The following C8orf34 variants were observed in gnomAD, a reference collection of about 807,000 sequenced individuals.
C8orf34 encodes the protein chromosome 8 open reading frame 34.
C8orf34 carries 65 observed loss-of-function variants against 68.3 expected under a neutral mutation model. The ratio of observed to expected loss-of-function variants is 0.95; its 90% CI spans 0.78 to 1.17. The LOEUF is 1.17. C8orf34 is among the 50% of genes most tolerant of loss of function. The pLI is 0.00. For missense variants in C8orf34, 664 were observed against 655.4 expected, an observed-to-expected ratio of 1.01 and a Z score of -0.14; for synonymous variants, 244 against 241.2, an observed-to-expected ratio of 1.01 and a Z score of -0.11.
intron 2 of C8orf34, among the ~76,000 whole-genome samples, chr8:68,440,188 G>A (rs1810842342): frequency 6.6e-6 from 1 of 152,168 alleles, no homozygotes; most frequent in African/African-American, 2.4e-5. Context: ...GAATTGAGTA[G>A]ACTTGAACTC....
At chr8:68,727,065 C>T (rs1821851389) in intron 10 of C8orf34, among the ~76,000 whole-genome samples, 1 of 152,138 alleles carries the variant, frequency 6.6e-6, no homozygotes. Context: ...TCCAAAGTCT[C>T]ATCTGAGACA....
chr8:68,457,890 C>G (rs1281071616), intron 3 of C8orf34, among the ~76,000 whole-genome samples: 1 of 151,636 alleles, frequency 6.6e-6, no homozygotes, highest in Non-Finnish European at 1.5e-5. Flanking sequence ...AAATGTTAAC[C>G]CTTTACTTTT....
chr8:68,428,653 T>C (rs2129624529), intron 1 of C8orf34, among the ~76,000 whole-genome samples: 1 of 151,504 alleles, frequency 6.6e-6, no homozygotes, highest in African/African-American at 2.4e-5. Flanking sequence ...AATAAGAAAA[T>C]GATAGAAACA....
At chr8:68,338,819 T>C (rs550812095) in intron 1 of C8orf34, among the ~76,000 whole-genome samples, 1 of 152,298 alleles carries the variant, frequency 6.6e-6, no homozygotes, top group African/African-American at 2.4e-5. Context: ...TCTACATTTC[T>C]GTGAACAGTG....
intron 9 of C8orf34, among the ~76,000 whole-genome samples, chr8:68,715,035 C>G (rs1821430731): frequency 6.6e-6 from 1 of 152,076 alleles, no homozygotes; most frequent in African/African-American, 2.4e-5. Flanking sequence ...AAGGGACACC[C>G]TATTCAATAA....
chr8:68,800,037 CAG>C (rs1230492927), intron 12 of C8orf34, among the ~76,000 whole-genome samples: 1 of 152,098 alleles, frequency 6.6e-6, no homozygotes. Flanking sequence ...ACATTAGACA[CAG>C]GGGGTGAGAA....
At chr8:68,448,418 C>A (rs1811209711) in intron 3 of C8orf34, among the ~76,000 whole-genome samples, 1 of 151,980 alleles carries the variant, frequency 6.6e-6, no homozygotes, top group Admixed American at 6.6e-5. Flanking sequence ...TAGGGTTATT[C>A]TTTGGAAATA....
At chr8:68,639,067 A>G (rs1417629446) in intron 7 of C8orf34, among the ~76,000 whole-genome samples, 1 of 152,058 alleles carries the variant, frequency 6.6e-6, no homozygotes, top group Non-Finnish European at 1.5e-5. Context: ...ATGCTGGCTG[A>G]AAAGTGTGTG....
intron 2 of C8orf34, among the ~76,000 whole-genome samples, chr8:68,441,355 C>T (rs79144793): frequency 0.032 from 4,833 of 152,180 alleles, 90 homozygotes; most frequent in Middle Eastern, 0.075. Context: ...CAGCCAGGAG[C>T]TACTCTCATC....
chr8:68,596,171 C>A (rs1817541152), intron 7 of C8orf34, among the ~76,000 whole-genome samples: 1 of 151,962 alleles, frequency 6.6e-6, no homozygotes, highest in African/African-American at 2.4e-5. Context: ...GATCCCTGGG[C>A]AAAGGGAAAA....
intron 8 of C8orf34, among the ~76,000 whole-genome samples, chr8:68,669,635 A>G (rs1819946856): frequency 1.3e-5 from 2 of 152,160 alleles, no homozygotes; most frequent in Non-Finnish European, 2.9e-5. Flanking sequence ...GTTCATATTG[A>G]TATTTCATCC....
intron 12 of C8orf34, among the ~76,000 whole-genome samples, chr8:68,805,011 T>G (rs567575231): frequency 1.1e-4 from 17 of 152,200 alleles, no homozygotes; most frequent in Non-Finnish European, 1.9e-4. Context: ...AACTTGGTAT[T>G]AAAGACAGAA....
At chr8:68,422,989 A>G (rs1810046400) in intron 1 of C8orf34, among the ~76,000 whole-genome samples, 1 of 152,198 alleles carries the variant, frequency 6.6e-6, no homozygotes, top group Admixed American at 6.5e-5. Context: ...TCAGGGCACC[A>G]TGTCCTGAGG....
intron 9 of C8orf34, among the ~76,000 whole-genome samples, chr8:68,709,987 G>A (rs1289927041): frequency 6.6e-6 from 1 of 152,002 alleles, no homozygotes; most frequent in African/African-American, 2.4e-5. Context: ...GGATTGAGAA[G>A]GACATCTTCA....
chr8:68,629,378 A>G (rs547583089), intron 7 of C8orf34, among the ~76,000 whole-genome samples: 1 of 152,292 alleles, frequency 6.6e-6, no homozygotes, highest in African/African-American at 2.4e-5. Context: ...TCAGTTGTTC[A>G]CTACACCCTA....
At chr8:68,370,556 T>C (rs1298027438) in intron 1 of C8orf34, among the ~76,000 whole-genome samples, 1 of 152,182 alleles carries the variant, frequency 6.6e-6, no homozygotes, top group African/African-American at 2.4e-5. Flanking sequence ...TCTGGGCCTT[T>C]CTAGAGTGCG....
intron 3 of C8orf34, among the ~76,000 whole-genome samples, chr8:68,449,266 C>T (rs187976805): frequency 1.7e-3 from 253 of 152,188 alleles, no homozygotes; most frequent in African/African-American, 5.5e-3. Context: ...TAACAAATCA[C>T]GCCAAGACTT....
intron 8 of C8orf34, among the ~76,000 whole-genome samples, chr8:68,650,714 C>T (rs949090825): frequency 1.3e-5 from 2 of 151,968 alleles, no homozygotes; most frequent in South Asian, 2.1e-4. Flanking sequence ...CTCCTGACCT[C>T]GTGATCCGCC....
intron 12 of C8orf34, among the ~76,000 whole-genome samples, chr8:68,809,478 G>A (rs962963036): frequency 2.1e-5 from 3 of 145,390 alleles, no homozygotes; most frequent in Admixed American, 6.8e-5. Context: ...GCTCTCCCAA[G>A]CTGGAGGAAA....
Sources: gnomAD v4.1 joint callset for allele counts (sites outside exome capture counted in the v4.1 genomes callset) on GRCh38, gnomAD v4.1.1 for gene constraint, MANE v1.5 for transcripts, NCBI Gene and HGNC (gene_info 2026-07-23, HGNC 2026-07-21) for gene names.